The following GATAD2A variants were observed in gnomAD, a reference collection of about 807,000 sequenced individuals.
GATAD2A encodes the protein transcriptional repressor p66-alpha.
A neutral mutation model predicts 68.5 loss-of-function variants in GATAD2A; 12 were observed. That is an observed-to-expected ratio of 0.18 (90% CI 0.11 to 0.28). The LOEUF (loss-of-function observed/expected upper bound fraction) is 0.28. GATAD2A is among the 10% of genes least tolerant of loss of function. The pLI is 1.00. For synonymous variants in GATAD2A, 410 were observed against 375.3 expected, an observed-to-expected ratio of 1.09 and a Z score of -1.07; for missense variants, 755 against 868.5, an observed-to-expected ratio of 0.87 and a Z score of 1.64.
chr19:19,452,239 T>C (rs946296367), intron 1 of GATAD2A, among the ~76,000 whole-genome samples: 1 of 152,184 alleles, frequency 6.6e-6, no homozygotes, highest in African/African-American at 2.4e-5. Flanking sequence ...GCGCCATGTG[T>C]TCCTTGTCCC....
chr19:19,391,800 C>T (rs180681663), intron 1 of GATAD2A, among the ~76,000 whole-genome samples: 1 of 152,186 alleles, frequency 6.6e-6, no homozygotes, highest in Admixed American at 6.5e-5. Flanking sequence ...TAACTCTGGA[C>T]GATAAAAACT....
chr19:19,461,270 G>A (rs1232192725), intron 1 of GATAD2A, among the ~76,000 whole-genome samples: 1 of 152,218 alleles, frequency 6.6e-6, no homozygotes, highest in Non-Finnish European at 1.5e-5. Context: ...TGCCACAGAT[G>A]GCATTTTATG....
At chr19:19,488,689 G>A (rs2059597676) in intron 2 of GATAD2A, among the ~76,000 whole-genome samples, 1 of 152,234 alleles carries the variant, frequency 6.6e-6, no homozygotes, top group Non-Finnish European at 1.5e-5. Context: ...AGTGCCAGCG[G>A]GTCAGGGAGT....
Position 19,495,902 on chromosome 19 carries a change from A to G in GATAD2A, c.756+17A>G. On this transcript the variant is annotated intron_variant, in intron 6 of 11. Coordinates refer to ENST00000683918, the MANE Select transcript of GATAD2A (RefSeq NM_001384528.1). The stretch of plus-strand genomic sequence containing the variant: ...GGGGCTCAGGTAAGCAGGGCTGTGC[A>G]CATGGGGGAGACCTGGCAGCCTCAG... 1.2e-6 allele frequency: 2 copies of G among 1,606,044 alleles called. No individual in the cohort carries two copies. The highest frequency in any genetic ancestry group is 1.1e-5 in the South Asian group (1 of 90,868).
At position 19,506,535 on chromosome 19, in the gene GATAD2A, A is replaced by C; in HGVS notation, c.*1061A>C. On this transcript the variant is annotated 3_prime_UTR_variant, in exon 12 of 12. Coordinates refer to ENST00000683918, the MANE Select transcript of GATAD2A (RefSeq NM_001384528.1). ...AGGTGTGCGGCGAGCCGCTGCGCAC[A>C]GATGTCAGGATTTCCGTTTGGGTCT... The C allele has an allele frequency of 5.7e-6, 1 of 174,296 alleles. No homozygotes were observed. Among genetic ancestry groups the C allele is most frequent in the East Asian group, 1.5e-4 (1 of 6,722 alleles). 10.8% of individuals were successfully genotyped at this position (174,296 alleles called of 1,614,324 possible).
At chr19:19,402,558 G>C (rs184860865), upstream of GATAD2A, 10 of 149,958 alleles carry the variant, frequency 6.7e-5, no homozygotes, top group African/African-American at 2.2e-4. Context: ...GCATGGTGGC[G>C]CATGCCTGTA....
At chr19:19,492,941 C>CT (rs11304753) in intron 4 of GATAD2A, among the ~76,000 whole-genome samples, 4,574 of 133,992 alleles carry the variant, frequency 0.034, 147 homozygotes, top group East Asian at 0.098. Context: ...CTAAAGCTCA[C>CT]TTTTTTTTTT....
At chr19:19,411,518 T>C (rs2050919016) in intron 1 of GATAD2A, among the ~76,000 whole-genome samples, 1 of 152,178 alleles carries the variant, frequency 6.6e-6, no homozygotes, top group African/African-American at 2.4e-5. Flanking sequence ...CAGTGGTGTC[T>C]GGGAGCGCCA....
intron 1 of GATAD2A, among the ~76,000 whole-genome samples, chr19:19,420,561 C>T (rs11668203): frequency 0.23 from 34,679 of 148,666 alleles, 5,379 homozygotes; most frequent in African/African-American, 0.44. Flanking sequence ...AGGCTGATCT[C>T]GATCTCCTGA....
intron 1 of GATAD2A, among the ~76,000 whole-genome samples, chr19:19,422,055 T>G (rs1278790088): frequency 3.3e-5 from 5 of 152,308 alleles, no homozygotes. Flanking sequence ...ACTCCTAACT[T>G]CAGGTGATCT....
At chr19:19,412,370 T>C (rs1005778399) in intron 1 of GATAD2A, among the ~76,000 whole-genome samples, 18 of 151,872 alleles carry the variant, frequency 1.2e-4, no homozygotes, top group African/African-American at 4.4e-4. Context: ...TTGGCCAGGA[T>C]GGTCTTGATT....
chr19:19,412,125 TTC>T (rs931860124), intron 1 of GATAD2A, among the ~76,000 whole-genome samples: 15 of 151,926 alleles, frequency 9.9e-5, no homozygotes, highest in South Asian at 2.1e-4. Flanking sequence ...CCGCTTTTTT[TTC>T]TCTCTCTTTT....
chr19:19,399,687 A>G (rs1433673363), intron 1 of GATAD2A, among the ~76,000 whole-genome samples: 1 of 152,202 alleles, frequency 6.6e-6, no homozygotes, highest in Admixed American at 6.5e-5. Flanking sequence ...GCTGTGAAAG[A>G]GAGAACAAAC....
At chr19:19,412,524 T>C (rs997104454) in intron 1 of GATAD2A, among the ~76,000 whole-genome samples, 3 of 151,514 alleles carry the variant, frequency 2.0e-5, no homozygotes, top group Non-Finnish European at 2.9e-5. Context: ...CCCTGCTACT[T>C]GCGAGGCTGA....
intron 1 of GATAD2A, chr19:19,458,690 CT>C (rs2057155278): frequency 1.3e-5 from 2 of 152,140 alleles, no homozygotes; most frequent in South Asian, 4.1e-4. Context: ...TGGGAATGAG[CT>C]GGGGGGTTTG....
chr19:19,484,768 C>G (rs375719578), intron 2 of GATAD2A, among the ~76,000 whole-genome samples: 2 of 152,038 alleles, frequency 1.3e-5, no homozygotes, highest in Admixed American at 1.3e-4. Context: ...CTCGTGACCT[C>G]GTGATCCGCC....
intron 1 of GATAD2A, among the ~76,000 whole-genome samples, chr19:19,453,752 C>G (rs1398995741): frequency 1.3e-5 from 2 of 151,816 alleles, no homozygotes; most frequent in Non-Finnish European, 2.9e-5. Flanking sequence ...TCTCAGCTCA[C>G]TGCAACCTCC....
chr19:19,385,906 C>T (rs2048380143), exon 1 of GATAD2A: 1 of 149,830 alleles, frequency 6.7e-6, no homozygotes, highest in Non-Finnish European at 1.5e-5. Flanking sequence ...CTCCTCCCGC[C>T]CAGGGTCAGC....
intron 1 of GATAD2A, among the ~76,000 whole-genome samples, chr19:19,423,294 C>CCA (rs565024047): frequency 4.8e-4 from 73 of 152,366 alleles, no homozygotes; most frequent in African/African-American, 1.7e-3. Flanking sequence ...GCATGAGCCA[C>CCA]CACACTTGGC....
Sources: gnomAD v4.1 joint callset for allele counts (sites outside exome capture counted in the v4.1 genomes callset) on GRCh38, gnomAD v4.1.1 for gene constraint, MANE v1.5 for transcripts, NCBI Gene and HGNC (gene_info 2026-07-23, HGNC 2026-07-21) for gene names.